PAM: variants seen among roughly 807,000 people sequenced by gnomAD.
PAM encodes the protein peptidyl-glycine alpha-amidating monooxygenase.
A neutral mutation model predicts 122.1 loss-of-function variants in PAM; 72 were observed. The observed-to-expected ratio is 0.59, with a 90% CI of 0.49 to 0.72. The LOEUF is 0.72. PAM is among the 30% of genes least tolerant of loss of function. The pLI, the probability that PAM is intolerant of heterozygous loss-of-function variation, is 0.00. For synonymous variants in PAM, 389 were observed against 404.4 expected (o/e 0.96, Z 0.46); for missense variants, 1,106 against 1,183.7 (o/e 0.93, Z 0.96).
chr5:102,868,306 C>T (rs1786235908), intron 3 of PAM, among the ~76,000 whole-genome samples: 1 of 152,098 alleles, frequency 6.6e-6, no homozygotes, highest in African/African-American at 2.4e-5. Context: ...TCGTATTCTA[C>T]TTATTAGGCA....
chr5:102,836,291 A>G lies in PAM; in HGVS notation c.-373-29532A>G, dbSNP rs147550178. On this transcript the variant is annotated intron_variant, in intron 1 of 25. Transcript: ENST00000438793. ...ATTTTTTCACTTTTCTGTTGAAATG[A>G]CAGTATGTGTAATATGCAACTGATG... is the stretch of plus-strand genomic sequence containing the variant. Among the ~76,000 whole-genome samples the G allele has an allele frequency of 6.5e-3, 996 of 152,334 alleles. 5 individuals carry two copies. The highest frequency in any genetic ancestry group is 0.017 in the Middle Eastern group (5 of 294).
At chr5:102,761,986 A>G (rs1338092406) in intron 1 of PAM, among the ~76,000 whole-genome samples, 1 of 152,238 alleles carries the variant, frequency 6.6e-6, no homozygotes, top group African/African-American at 2.4e-5. Context: ...GGTTTGTATA[A>G]AGGTAGAGTC....
intron 21 of PAM, among the ~76,000 whole-genome samples, chr5:103,011,016 G>GCACA (rs1780429935): frequency 6.6e-6 from 1 of 151,998 alleles, no homozygotes; most frequent in East Asian, 1.9e-4. Flanking sequence ...TCAAATACTA[G>GCACA]GTCTTATTCA....
chr5:102,989,085 G>A (rs1773149762), intron 15 of PAM, among the ~76,000 whole-genome samples: 1 of 152,102 alleles, frequency 6.6e-6, no homozygotes, highest in African/African-American at 2.4e-5. Flanking sequence ...GAAGAATTTG[G>A]GAGGGACAGA....
chr5:102,965,254 T>C (rs534899565), intron 14 of PAM, among the ~76,000 whole-genome samples: 48 of 151,878 alleles, frequency 3.2e-4, no homozygotes, highest in Non-Finnish European at 6.6e-4. Context: ...GTAAGTTCTC[T>C]TTATTTCTTA....
intron 21 of PAM, among the ~76,000 whole-genome samples, chr5:103,012,411 C>T (rs564913827): frequency 9.9e-5 from 15 of 152,132 alleles, no homozygotes; most frequent in Non-Finnish European, 2.1e-4. Flanking sequence ...TAGATTTAAG[C>T]CTTTAATCCA....
chr5:102,835,804 T>C (rs1776856733), intron 1 of PAM, among the ~76,000 whole-genome samples: 1 of 152,200 alleles, frequency 6.6e-6, no homozygotes, highest in Non-Finnish European at 1.5e-5. Context: ...TGTATGATTT[T>C]ATTTAAATTT....
At chr5:102,819,654 C>T (rs538774275) in intron 1 of PAM, among the ~76,000 whole-genome samples, 1 of 152,192 alleles carries the variant, frequency 6.6e-6, no homozygotes, top group East Asian at 1.9e-4. Context: ...AGTCATTCTA[C>T]CACAGATTTT....
At chr5:102,997,291 G>T (rs1776002815) in intron 16 of PAM, among the ~76,000 whole-genome samples, 2 of 152,056 alleles carry the variant, frequency 1.3e-5, no homozygotes, top group South Asian at 4.1e-4. Context: ...AGGTGGAGTT[G>T]GGAGAATTGC....
intron 5 of PAM, 35 bp from the exon 6 acceptor site, chr5:102,924,922 A>G (rs748938597): frequency 8.9e-7 from 1 of 1,128,566 alleles, no homozygotes; most frequent in Non-Finnish European, 1.4e-6. Context: ...TTCACTATTT[A>G]AATCTTCATT....
intron 18 of PAM, among the ~76,000 whole-genome samples, chr5:103,006,188 C>T (rs1275962642): frequency 6.6e-6 from 1 of 152,164 alleles, no homozygotes; most frequent in East Asian, 1.9e-4. Flanking sequence ...CCACCTACCT[C>T]AGCCTTGCAA....
chr5:102,783,521 G>A (rs1034658476), intron 1 of PAM, among the ~76,000 whole-genome samples: 8 of 152,090 alleles, frequency 5.3e-5, no homozygotes, highest in South Asian at 4.1e-4. Flanking sequence ...TTTTCCCACC[G>A]TAAGACAAGG....
intron 1 of PAM, among the ~76,000 whole-genome samples, chr5:102,850,521 G>C (rs1050056148): frequency 6.6e-6 from 1 of 152,090 alleles, no homozygotes; most frequent in Non-Finnish European, 1.5e-5. Flanking sequence ...CCATCTTTTT[G>C]TGTGAGTAGG....
intron 12 of PAM, among the ~76,000 whole-genome samples, chr5:102,953,119 T>C (rs1233378826): frequency 1.3e-5 from 2 of 152,200 alleles, no homozygotes; most frequent in Non-Finnish European, 2.9e-5. Flanking sequence ...GTTGAGTGAT[T>C]CTTCTACCAA....
At chr5:102,971,508 T>C (rs1199959142) in intron 14 of PAM, among the ~76,000 whole-genome samples, 1 of 151,980 alleles carries the variant, frequency 6.6e-6, no homozygotes, top group Non-Finnish European at 1.5e-5. Context: ...GACCCCTGAG[T>C]TGAATTGTCA....
chr5:102,961,069 T>G, intron 13 of PAM, 89 bp from the exon 14 acceptor site: 1 of 701,374 alleles, frequency 1.4e-6, no homozygotes, highest in Non-Finnish European at 2.6e-6. Context: ...TGAATAGTAT[T>G]TTTATGTTGA....
intron 15 of PAM, among the ~76,000 whole-genome samples, chr5:102,979,442 C>A (rs576355445): frequency 7.9e-5 from 12 of 152,054 alleles, no homozygotes; most frequent in Admixed American, 5.2e-4. Flanking sequence ...AATCCCTGAC[C>A]AAAATAAGAC....
In PAM at chr5:102,995,544, TCCC is replaced by T. The variant is rs1373550729; in HGVS notation, c.1613+5144_1613+5146del. Among the ~76,000 whole-genome samples, 343 of 152,238 alleles carry T rather than the reference TCCC, an allele frequency of 2.3e-3. 3 individuals carry two copies. Among genetic ancestry groups the T allele is most frequent in the African/African-American group, 8.1e-3 (337 of 41,566 alleles). On this transcript the variant is annotated intron_variant, in intron 16 of 25. Coordinates refer to ENST00000438793, the MANE Select transcript of PAM (RefSeq NM_001177306.2). ...GAGACTTGCATCAAGACGTTTGAACTCCCTGATTCTCAGTTGCTTGCCTAAAAA... is the reference window on the plus strand; with the variant it reads ...GAGACTTGCATCAAGACGTTTGAACTTGATTCTCAGTTGCTTGCCTAAAAA...
intron 3 of PAM, among the ~76,000 whole-genome samples, chr5:102,891,797 T>C (rs921357927): frequency 6.6e-6 from 1 of 151,880 alleles, no homozygotes; most frequent in African/African-American, 2.4e-5. Context: ...TGATGATAGA[T>C]GAAAAGACAA....
Sources: gnomAD v4.1 joint callset for allele counts (sites outside exome capture counted in the v4.1 genomes callset) on GRCh38, gnomAD v4.1.1 for gene constraint, MANE v1.5 for transcripts, NCBI Gene and HGNC (gene_info 2026-07-23, HGNC 2026-07-21) for gene names.